The following SPACA1 variants were observed in gnomAD, a reference collection of about 807,000 sequenced individuals.
SPACA1 encodes sperm acrosome associated 1.
In SPACA1, 17 loss-of-function variants were observed where a neutral mutation model predicts 32.6. That is an observed-to-expected ratio of 0.52 (90% confidence interval 0.36 to 0.78). SPACA1 has a LOEUF of 0.78. SPACA1 is among the 30% of genes least tolerant of loss of function. SPACA1 has a pLI of 0.01. For missense variants in SPACA1, 363 were observed against 373.4 expected (o/e 0.97, Z 0.23); for synonymous variants, 140 against 138.1 (o/e 1.01, Z -0.10).
Position 88,064,143 on chromosome 6 carries a change from C to G in SPACA1, c.655C>G (p.Leu219Val). 1 of 1,613,328 alleles carries G rather than the reference C, an allele frequency of 6.2e-7. No individual in the cohort carries two copies. The highest frequency in any genetic ancestry group is 8.5e-7 in the Non-Finnish European group (1 of 1,179,580). Reference sequence around the variant, plus strand: ...AAGCCTACCAGCCACTGATGCAGCCCTAATTTTTGTGCTGACCATAGGAGT... The same window carrying G: ...AAGCCTACCAGCCACTGATGCAGCCGTAATTTTTGTGCTGACCATAGGAGT... Reference protein sequence around the residue: ...RSSLPATDAALIFVLTIGVII... With the variant: ...RSSLPATDAAVIFVLTIGVII... Residue 219 changes from leucine (L) to valine (V), a missense_variant, in exon 6 of 7, where the codon CTA becomes GTA. By Grantham distance (32) the Leu-to-Val change is conservative. Coordinates refer to ENST00000237201, the MANE Select transcript of SPACA1 (RefSeq NM_030960.3).
intron 5 of SPACA1, among the ~76,000 whole-genome samples, chr6:88,062,499 T>C (rs1251017680): frequency 6.6e-6 from 1 of 152,238 alleles, no homozygotes; most frequent in Non-Finnish European, 1.5e-5. Flanking sequence ...AATAAAGCTA[T>C]GTAATTCACA....
chr6:88,062,523 T>C (rs1257437291), intron 5 of SPACA1, among the ~76,000 whole-genome samples: 2 of 152,228 alleles, frequency 1.3e-5, no homozygotes, highest in Non-Finnish European at 2.9e-5. Context: ...TAAGTAATAT[T>C]CTATGTTAAT....
In SPACA1 at chr6:88,066,207, G is replaced by A. The variant is rs1163847871; in HGVS notation, c.757G>A (p.Ala253Thr). ...NWAAVKAFWGAKASTPEVQSE... is the reference protein window; with the variant it reads ...NWAAVKAFWGTKASTPEVQSE... ...GGCAGCAGTCAAGGCTTTCTGGGGGGCAAAAGCCTCTACACCTGAGGTACA... is the reference window on the plus strand; with the variant it reads ...GGCAGCAGTCAAGGCTTTCTGGGGGACAAAAGCCTCTACACCTGAGGTACA... The change falls in exon 7 of 7, where the codon GCA becomes ACA. Residue 253 changes from alanine (A) to threonine (T), a missense_variant. Ala to Thr is a moderately conservative substitution (Grantham distance 58). Transcript: ENST00000237201. The A allele has an allele frequency of 3.1e-6, 5 of 1,597,910 alleles. No homozygotes were observed. Among genetic ancestry groups the A allele is most frequent in the South Asian group, 1.1e-5 (1 of 87,992 alleles).
intron 5 of SPACA1, among the ~76,000 whole-genome samples, chr6:88,061,940 C>G (rs1332116475): frequency 1.3e-5 from 2 of 152,028 alleles, no homozygotes; most frequent in East Asian, 1.9e-4. Context: ...TCTTCATGCC[C>G]CTCACTCTCC....
intron 5 of SPACA1, among the ~76,000 whole-genome samples, 188 bp downstream of exon 5, chr6:88,059,776 G>C (rs550099100): frequency 6.6e-6 from 1 of 152,194 alleles, no homozygotes; most frequent in Non-Finnish European, 1.5e-5. Context: ...CTGGTCCAGA[G>C]ACCACACTTT....
intron 5 of SPACA1, 142 bp from the exon 6 acceptor site, chr6:88,063,957 G>T: frequency 1.1e-6 from 1 of 920,462 alleles, no homozygotes; most frequent in Non-Finnish European, 1.5e-6. Context: ...CAAACATGCA[G>T]AGCAAGATCA....
rs563624646 is a variant in SPACA1, at chr6:88,066,459, T to G, written c.*124T>G. 6.7e-4 allele frequency: 584 copies of G among 869,584 alleles called. 1 individual carries two copies. The highest frequency in any genetic ancestry group is 9.0e-4 in the Non-Finnish European group (555 of 613,546). 53.9% of individuals were successfully genotyped at this position (869,584 alleles called of 1,614,324 possible). A position where few individuals can be genotyped will look rare whatever the true frequency, so the allele number is the denominator to read the frequency against. ...ATGGATTGCCACAGTGTGAAGGAAA[T>G]GCAGTGTGGGGATAGGACTATTTTA... On this transcript the variant is annotated 3_prime_UTR_variant, in exon 7 of 7. Transcript: ENST00000237201.
chr6:88,058,068 G>A (rs1196974836), intron 3 of SPACA1, among the ~76,000 whole-genome samples: 1 of 152,176 alleles, frequency 6.6e-6, no homozygotes, highest in Non-Finnish European at 1.5e-5. Context: ...AACTTTGACA[G>A]CTGTTCCATA....
At chr6:88,061,673 A>G (rs554892475) in intron 5 of SPACA1, among the ~76,000 whole-genome samples, 3 of 152,184 alleles carry the variant, frequency 2.0e-5, no homozygotes, top group African/African-American at 7.2e-5. Flanking sequence ...CGGCCAACAC[A>G]TTGTTTTCAG....
chr6:88,058,179 G>A (rs1490726795), intron 3 of SPACA1, among the ~76,000 whole-genome samples: 1 of 152,186 alleles, frequency 6.6e-6, no homozygotes, highest in Non-Finnish European at 1.5e-5. Context: ...TAACAGATCA[G>A]TAGGTCAATT....
At chr6:88,054,779 A>C (rs887037098) in intron 2 of SPACA1, among the ~76,000 whole-genome samples, 4 of 152,116 alleles carry the variant, frequency 2.6e-5, no homozygotes, top group Admixed American at 2.0e-4. Flanking sequence ...ATTACACCTG[A>C]ATTGTTTTTA....
At chr6:88,056,494 C>A (rs1775809640) in intron 2 of SPACA1, among the ~76,000 whole-genome samples, 1 of 152,184 alleles carries the variant, frequency 6.6e-6, no homozygotes, top group African/African-American at 2.4e-5. Flanking sequence ...ATTCAACGTG[C>A]GGTCCACAGA....
At chr6:88,056,261 G>A (rs1775805611) in intron 2 of SPACA1, among the ~76,000 whole-genome samples, 2 of 152,154 alleles carry the variant, frequency 1.3e-5, no homozygotes, top group Admixed American at 1.3e-4. Flanking sequence ...GGCTGAGGCA[G>A]GAGAATTGCT....
chr6:88,047,763 C>T, upstream of SPACA1: 1 of 830,090 alleles, frequency 1.2e-6, no homozygotes, highest in Non-Finnish European at 1.8e-6. Context: ...AGCAGCGCCC[C>T]GGCAACCATT....
At chr6:88,052,190 A>G (rs189931271) in intron 1 of SPACA1, among the ~76,000 whole-genome samples, 110 of 152,324 alleles carry the variant, frequency 7.2e-4, no homozygotes, top group African/African-American at 2.6e-3. Flanking sequence ...ATTAAAGCTG[A>G]AAGGGACTTT....
At chr6:88,056,402 C>T (rs530902928) in intron 2 of SPACA1, among the ~76,000 whole-genome samples, 1 of 152,284 alleles carries the variant, frequency 6.6e-6, no homozygotes, top group African/African-American at 2.4e-5. Context: ...CAGCCATTCT[C>T]AGCCATCATC....
chr6:88,064,336 GTCCA>G (rs1775945415), intron 6 of SPACA1, 117 bp downstream of exon 6: 1 of 1,034,524 alleles, frequency 9.7e-7, no homozygotes. Flanking sequence ...CCTTGAAACT[GTCCA>G]TCGCCTTTCA....
Position 88,061,968 on chromosome 6 carries a change from A to G in SPACA1, c.611-2131A>G, listed in dbSNP as rs375977686. Among the ~76,000 whole-genome samples, 79 of 152,278 alleles carry G rather than the reference A, an allele frequency of 5.2e-4. 1 individual carries two copies. Among genetic ancestry groups the G allele is most frequent in the African/African-American group, 1.8e-3 (74 of 41,552 alleles). On this transcript the variant is annotated intron_variant, in intron 5 of 6. Transcript: ENST00000237201. ...CACTCTCCACCCTCTCTCAGCTAAC[A>G]TTGCAGAGTAATGGATAAATGAAAT...
At chr6:88,054,867 A>G (rs1027943770) in intron 2 of SPACA1, among the ~76,000 whole-genome samples, 4 of 152,198 alleles carry the variant, frequency 2.6e-5, no homozygotes, top group Non-Finnish European at 2.9e-5. Context: ...TAAACATACA[A>G]GTCCGTTGAC....
Sources: allele counts gnomAD v4.1 joint callset (sites outside exome capture counted in the v4.1 genomes callset), GRCh38; gene constraint gnomAD v4.1.1; transcripts MANE v1.5; gene names NCBI Gene and HGNC (gene_info 2026-07-23, HGNC 2026-07-21).